The following DSCAM variants were observed in gnomAD, a reference collection of about 807,000 sequenced individuals.
DSCAM encodes the protein DS cell adhesion molecule.
In DSCAM, 47 loss-of-function variants were observed where a neutral mutation model predicts 217.7. The ratio of observed to expected loss-of-function variants is 0.22; its 90% CI spans 0.17 to 0.28. DSCAM has a LOEUF of 0.28. Among genes scored for constraint, DSCAM ranks in the 10% least tolerant of loss-of-function variants. DSCAM has a pLI of 1.00. For synonymous variants in DSCAM, 1,056 were observed against 1,015.3 expected (o/e 1.04, Z -0.76); for missense variants, 2,080 against 2,618.3 (o/e 0.79, Z 4.49).
chr21:40,673,746 T>C (rs930890906), intron 3 of DSCAM, among the ~76,000 whole-genome samples: 14 of 152,130 alleles, frequency 9.2e-5, no homozygotes, highest in African/African-American at 2.4e-5. Context: ...ATGCAGCTCC[T>C]CCCTCACTCT....
At chr21:40,097,954 AAAAG>A (rs61675667) in intron 20 of DSCAM, among the ~76,000 whole-genome samples, 6,378 of 51,162 alleles carry the variant, frequency 0.12, 519 homozygotes, top group South Asian at 0.14. Flanking sequence ...AAAAAAAAAA[AAAAG>A]AAAGAAAGAA....
In DSCAM at chr21:40,339,163, T is replaced by C; in HGVS notation, c.1463A>G (p.Asn488Ser). Residue 488 changes from asparagine (N) to serine (S), a missense_variant, in exon 7 of 33, where the codon AAC becomes AGC. Asn to Ser is a conservative substitution (Grantham distance 46). Coordinates refer to ENST00000400454, the MANE Select transcript of DSCAM (RefSeq NM_001389.5). ...DGGVYRCTAN[N>S]SAGVVLYQAR... ...CTGGTACAGGACGACTCCCGCCGAG[T>C]TGTTGGCAGTGCAGCGGTAGACTCC... 6 of 1,614,156 alleles carry C rather than the reference T, an allele frequency of 3.7e-6. No individual in the cohort carries two copies. The highest frequency in any genetic ancestry group is 5.1e-6 in the Non-Finnish European group (6 of 1,180,026).
At chr21:40,298,495 G>A (rs7276530) in intron 9 of DSCAM, among the ~76,000 whole-genome samples, 26,116 of 151,946 alleles carry the variant, frequency 0.17, 4,029 homozygotes, top group African/African-American at 0.4. Context: ...TCATGTAGAT[G>A]GTATTCGGAG....
chr21:40,511,468 A>G (rs2076256578), intron 3 of DSCAM, among the ~76,000 whole-genome samples: 1 of 152,230 alleles, frequency 6.6e-6, no homozygotes, highest in African/African-American at 2.4e-5. Context: ...AAAATATTCA[A>G]AATGAATGTG....
At chr21:40,571,065 AG>A in intron 3 of DSCAM, among the ~76,000 whole-genome samples, 1 of 152,124 alleles carries the variant, frequency 6.6e-6, no homozygotes, top group Non-Finnish European at 1.5e-5. Flanking sequence ...AATCACACCT[AG>A]GTACATCAGA....
chr21:40,245,724 G>A (rs903907602), intron 11 of DSCAM, among the ~76,000 whole-genome samples: 1 of 152,180 alleles, frequency 6.6e-6, no homozygotes, highest in Non-Finnish European at 1.5e-5. Context: ...CCTGAGCCAT[G>A]GACATTACAC....
chr21:40,719,127 AACACAC>A (rs111670493), intron 1 of DSCAM, among the ~76,000 whole-genome samples: 1 of 151,078 alleles, frequency 6.6e-6, no homozygotes, highest in Non-Finnish European at 1.5e-5. Context: ...AAAGAAGAAA[AACACAC>A]ACACACACAC....
intron 3 of DSCAM, among the ~76,000 whole-genome samples, chr21:40,518,612 A>G (rs2076333819): frequency 8.4e-6 from 1 of 118,602 alleles, no homozygotes; most frequent in Admixed American, 1.0e-4. Flanking sequence ...ATACATACAC[A>G]CACATATATA....
intron 3 of DSCAM, among the ~76,000 whole-genome samples, chr21:40,493,564 T>C (rs1161681462): frequency 6.6e-6 from 1 of 151,968 alleles, no homozygotes; most frequent in African/African-American, 2.4e-5. Flanking sequence ...AATTGTGACA[T>C]CAAAAATAGA....
chr21:40,071,282 TAAA>T (rs896884686), intron 27 of DSCAM, among the ~76,000 whole-genome samples: 53 of 151,436 alleles, frequency 3.5e-4, no homozygotes, highest in African/African-American at 1.2e-3. Flanking sequence ...GTTATAGATT[TAAA>T]AAAAAATGTG....
At chr21:40,325,811 G>A (rs931106791) in intron 8 of DSCAM, among the ~76,000 whole-genome samples, 7 of 152,134 alleles carry the variant, frequency 4.6e-5, no homozygotes, top group African/African-American at 1.7e-4. Flanking sequence ...CATAGCTGGT[G>A]GTAAAGTAAA....
chr21:40,763,715 C>T (rs2091359371), intron 1 of DSCAM, among the ~76,000 whole-genome samples: 1 of 152,120 alleles, frequency 6.6e-6, no homozygotes, highest in Admixed American at 6.5e-5. Flanking sequence ...CTACCATAAC[C>T]AAAACAGCAT....
At chr21:40,417,841 A>C in intron 3 of DSCAM, among the ~76,000 whole-genome samples, 1 of 152,228 alleles carries the variant, frequency 6.6e-6, no homozygotes, top group East Asian at 1.9e-4. Context: ...ACAAAAAAAA[A>C]GTTGTTTATA....
intron 3 of DSCAM, among the ~76,000 whole-genome samples, chr21:40,547,172 G>A (rs1047583768): frequency 1.1e-4 from 16 of 152,212 alleles, no homozygotes; most frequent in Non-Finnish European, 1.8e-4. Flanking sequence ...ACTGTCCCCC[G>A]GTGTAGACAC....
intron 3 of DSCAM, among the ~76,000 whole-genome samples, chr21:40,378,449 A>C (rs2074984953): frequency 6.6e-6 from 1 of 151,988 alleles, no homozygotes; most frequent in South Asian, 2.1e-4. Flanking sequence ...CATACTTTTC[A>C]ATCCCTCTTG....
chr21:40,353,778 T>G, intron 4 of DSCAM, 35 bp from the exon 5 acceptor site: 1 of 1,479,490 alleles, frequency 6.8e-7, no homozygotes, highest in Non-Finnish European at 8.9e-7. Flanking sequence ...GAGGCAGGAA[T>G]GAGGAGTTGA....
chr21:40,476,592 G>A (rs567022522), intron 3 of DSCAM, among the ~76,000 whole-genome samples: 186 of 152,220 alleles, frequency 1.2e-3, no homozygotes, highest in Non-Finnish European at 2.1e-3. Context: ...ATGAGCTTTC[G>A]AATGTGCTTA....
intron 2 of DSCAM, among the ~76,000 whole-genome samples, chr21:40,699,200 T>C (rs1022563527): frequency 2.0e-5 from 3 of 152,204 alleles, no homozygotes; most frequent in Non-Finnish European, 2.9e-5. Context: ...ATTGTAATTG[T>C]TTTGCGGAGC....
intron 24 of DSCAM, among the ~76,000 whole-genome samples, 172 bp downstream of exon 24, chr21:40,083,736 C>A (rs2089494032): frequency 6.6e-6 from 1 of 152,126 alleles, no homozygotes; most frequent in Admixed American, 6.5e-5. Flanking sequence ...CAACAAATAT[C>A]CTAAAAATAA....
Sources: gnomAD v4.1 joint callset for allele counts (sites outside exome capture counted in the v4.1 genomes callset) on GRCh38, gnomAD v4.1.1 for gene constraint, MANE v1.5 for transcripts, NCBI Gene and HGNC (gene_info 2026-07-23, HGNC 2026-07-21) for gene names.